The following S100PBP variants were observed in gnomAD, a reference collection of about 807,000 sequenced individuals.
S100PBP encodes S100P binding protein, also known as S100P-binding protein.
A neutral mutation model predicts 39.9 loss-of-function variants in S100PBP; 15 were observed. That is an observed-to-expected ratio of 0.38 (90% CI 0.25 to 0.58). The LOEUF (loss-of-function observed/expected upper bound fraction) is 0.58, where lower values mean the gene tolerates loss of function less well. Ranked by LOEUF, S100PBP falls within the 20% of genes least tolerant of loss-of-function variation. S100PBP has a pLI of 0.70. For synonymous variants in S100PBP, 178 were observed against 180.3 expected (o/e 0.99, Z 0.10); for missense variants, 504 against 487.3 (o/e 1.03, Z -0.32).
chr1:32,851,408 G>GT, intron 5 of S100PBP, among the ~76,000 whole-genome samples: 1 of 152,270 alleles, frequency 6.6e-6, no homozygotes, highest in African/African-American at 2.4e-5. Context: ...ACTCACGCCT[G>GT]TAATCCCAGC....
intron 5 of S100PBP, among the ~76,000 whole-genome samples, chr1:32,834,642 A>C (rs534922591): frequency 5.9e-5 from 9 of 152,322 alleles, no homozygotes; most frequent in African/African-American, 1.9e-4. Flanking sequence ...AAATAGTAAT[A>C]CTAAGTTTGT....
chr1:32,833,046 C>T (rs1299916220), intron 5 of S100PBP, among the ~76,000 whole-genome samples: 1 of 151,910 alleles, frequency 6.6e-6, no homozygotes, highest in Non-Finnish European at 1.5e-5. Flanking sequence ...GGTATCCCTG[C>T]AAATGGAAAA....
chr1:32,830,381 G>T (rs1384942290), intron 5 of S100PBP, among the ~76,000 whole-genome samples: 1 of 152,136 alleles, frequency 6.6e-6, no homozygotes, highest in Non-Finnish European at 1.5e-5. Flanking sequence ...AATAACGGAA[G>T]TGGATGACCA....
At chr1:32,818,178 C>A (rs1034559486) in intron 1 of S100PBP, 2 of 152,484 alleles carry the variant, frequency 1.3e-5, no homozygotes, top group Admixed American at 1.3e-4. Flanking sequence ...GGGTTTGCCC[C>A]TACTGGGGGA....
chr1:32,842,605 A>AT (rs1431482268), intron 5 of S100PBP, among the ~76,000 whole-genome samples: 2 of 151,834 alleles, frequency 1.3e-5, no homozygotes, highest in African/African-American at 4.8e-5. Flanking sequence ...ATTTTATTTT[A>AT]TTTTTTTGAG....
intron 1 of S100PBP, among the ~76,000 whole-genome samples, chr1:32,823,141 C>A (rs1639162901): frequency 6.6e-6 from 1 of 152,206 alleles, no homozygotes; most frequent in South Asian, 2.1e-4. Context: ...AGGGAAAAAT[C>A]TATTGAACTC....
chr1:32,824,686 A>C (rs1313221152), intron 1 of S100PBP, among the ~76,000 whole-genome samples: 1 of 151,154 alleles, frequency 6.6e-6, no homozygotes, highest in African/African-American at 2.4e-5. Context: ...CCTCAGCCCC[A>C]TGAGTAGCTG....
At chr1:32,850,075 C>G (rs1278074811) in intron 5 of S100PBP, among the ~76,000 whole-genome samples, 1 of 152,134 alleles carries the variant, frequency 6.6e-6, no homozygotes, top group Non-Finnish European at 1.5e-5. Flanking sequence ...TATTAGGCCC[C>G]TTTGGCTAAC....
At position 32,826,250 on chromosome 1, in the gene S100PBP, G is replaced by GTAAAT; in HGVS notation, c.154_158dup (p.Tyr53Ter). The stretch of plus-strand genomic sequence containing the variant: ...AGAGGGAGAAGAAGATGATGGTGAT[G>GTAAAT]TAAATTACACAGAGGAAGAGATTGA... On this transcript the variant is annotated frameshift_variant, in exon 3 of 7. Coordinates refer to ENST00000373475, the MANE Select transcript of S100PBP (RefSeq NM_022753.4). LOFTEE classifies it high-confidence loss of function. The GTAAAT allele has an allele frequency of 1.2e-6, 2 of 1,614,160 alleles. No individual in the cohort carries two copies. Among genetic ancestry groups the GTAAAT allele is most frequent in the Non-Finnish European group, 1.7e-6 (2 of 1,180,018 alleles).
chr1:32,832,634 C>T (rs970122229), intron 5 of S100PBP, among the ~76,000 whole-genome samples: 2 of 151,720 alleles, frequency 1.3e-5, no homozygotes, highest in African/African-American at 2.4e-5. Flanking sequence ...ATTGCAAGGG[C>T]GGGGGTGGTA....
At chr1:32,840,840 G>A (rs1299483240) in intron 5 of S100PBP, among the ~76,000 whole-genome samples, 1 of 151,964 alleles carries the variant, frequency 6.6e-6, no homozygotes, top group Non-Finnish European at 1.5e-5. Context: ...CTTCTTTGGT[G>A]AAGTATTTTT....
intron 2 of S100PBP, among the ~76,000 whole-genome samples, chr1:32,825,778 A>G (rs1335553872): frequency 6.6e-6 from 1 of 152,238 alleles, no homozygotes; most frequent in Non-Finnish European, 1.5e-5. Flanking sequence ...CAAATGGTGT[A>G]GTCAAATTAC....
upstream of S100PBP, chr1:32,816,976 G>A: frequency 1.6e-6 from 1 of 633,290 alleles, no homozygotes. Flanking sequence ...ACAACTGGAC[G>A]CAAGAGGTGA....
intron 5 of S100PBP, among the ~76,000 whole-genome samples, chr1:32,839,489 AAGAAG>A (rs1369403158): frequency 1.9e-4 from 29 of 152,182 alleles, no homozygotes; most frequent in Non-Finnish European, 3.2e-4. Flanking sequence ...CTTACATACC[AAGAAG>A]AGAAGAGGAA....
At chr1:32,845,826 T>A (rs1640344436) in intron 5 of S100PBP, among the ~76,000 whole-genome samples, 1 of 151,716 alleles carries the variant, frequency 6.6e-6, no homozygotes, top group African/African-American at 2.4e-5. Context: ...TACAGGTGTG[T>A]GCCGCCAAGC....
chr1:32,843,244 G>C (rs555637275), intron 5 of S100PBP: 1 of 152,176 alleles, frequency 6.6e-6, no homozygotes, highest in Admixed American at 6.5e-5. Flanking sequence ...TTTCTGACTT[G>C]GATGCCTTTT....
intron 5 of S100PBP, chr1:32,846,684 T>C (rs1640392777): frequency 6.6e-6 from 1 of 152,086 alleles, no homozygotes; most frequent in South Asian, 2.1e-4. Flanking sequence ...TAGCTCACTG[T>C]AGTCTTGACC....
At chr1:32,839,321 C>T (rs538238798) in intron 5 of S100PBP, among the ~76,000 whole-genome samples, 1 of 152,318 alleles carries the variant, frequency 6.6e-6, no homozygotes, top group South Asian at 2.1e-4. Context: ...GAATCTCCTT[C>T]CTTTTTAAGA....
chr1:32,849,821 T>C (rs1212616803), intron 5 of S100PBP, among the ~76,000 whole-genome samples: 3 of 152,224 alleles, frequency 2.0e-5, no homozygotes, highest in African/African-American at 7.2e-5. Flanking sequence ...GCTTTGTCAT[T>C]AGACATGTGA....
Sources: gnomAD v4.1 joint callset for allele counts (sites outside exome capture counted in the v4.1 genomes callset) on GRCh38, gnomAD v4.1.1 for gene constraint, MANE v1.5 for transcripts, NCBI Gene and HGNC (gene_info 2026-07-23, HGNC 2026-07-21) for gene names.